The following GMDS variants were observed in gnomAD, a reference collection of about 807,000 sequenced individuals.
GMDS encodes the protein GDP-mannose 4,6-dehydratase.
A neutral mutation model predicts 49.9 loss-of-function variants in GMDS; 20 were observed. The observed-to-expected ratio is 0.40, with a 90% CI of 0.28 to 0.58. GMDS has a LOEUF of 0.58. GMDS is among the 20% of genes least tolerant of loss of function. The probability of loss-of-function intolerance (pLI) is 0.42; values close to 1 mark genes in which losing one functional copy is unlikely to be tolerated. For missense variants in GMDS, 362 were observed against 481.4 expected (o/e 0.75, Z 2.32); for synonymous variants, 177 against 178.6 (o/e 0.99, Z 0.07).
At chr6:1,732,187 C>A (rs181040217) in intron 8 of GMDS, among the ~76,000 whole-genome samples, 1 of 152,148 alleles carries the variant, frequency 6.6e-6, no homozygotes, top group East Asian at 1.9e-4. Context: ...ATGAGCCAGG[C>A]GTGGTGGCGG....
At chr6:2,014,702 A>G (rs1305615811) in intron 4 of GMDS, among the ~76,000 whole-genome samples, 1 of 152,152 alleles carries the variant, frequency 6.6e-6, no homozygotes, top group Non-Finnish European at 1.5e-5. Context: ...TGCAAATATC[A>G]CAGATATTAA....
chr6:1,626,093 C>T (rs1762843153), intron 9 of GMDS: 1 of 152,230 alleles, frequency 6.6e-6, no homozygotes, highest in Non-Finnish European at 1.5e-5. Flanking sequence ...GTGGGACCTG[C>T]TTTGCCCTGG....
At chr6:1,857,212 C>T (rs1017905861) in intron 7 of GMDS, among the ~76,000 whole-genome samples, 4 of 152,158 alleles carry the variant, frequency 2.6e-5, no homozygotes, top group African/African-American at 7.2e-5. Context: ...AACATTCATA[C>T]GACATTCCTT....
intron 4 of GMDS, among the ~76,000 whole-genome samples, chr6:1,973,230 C>A (rs180674330): frequency 5.9e-5 from 9 of 152,238 alleles, no homozygotes; most frequent in Admixed American, 5.9e-4. Context: ...TCCAAAAGTA[C>A]ATAAATACAC....
At position 1,839,058 on chromosome 6, in the gene GMDS, G is replaced by A. The variant is rs188545615; in HGVS notation, c.771+91045C>T. 2.5e-3 allele frequency among the ~76,000 whole-genome samples: 383 copies of A among 152,104 alleles called. 3 individuals carry two copies. The highest frequency in any genetic ancestry group is 3.7e-3 in the Non-Finnish European group (250 of 67,992). ...GCCGACATTTTTCTGCCTTCAATTTGCTGCTCTGGTTTGAAAATCCAATTC... is the reference window on the plus strand; with the variant it reads ...GCCGACATTTTTCTGCCTTCAATTTACTGCTCTGGTTTGAAAATCCAATTC... On this transcript the variant is annotated intron_variant, in intron 7 of 10. Transcript: ENST00000380815.
chr6:1,923,697 G>C (rs1761844047), intron 7 of GMDS, among the ~76,000 whole-genome samples: 1 of 152,226 alleles, frequency 6.6e-6, no homozygotes, highest in African/African-American at 2.4e-5. Context: ...GGAGCACCCT[G>C]TCACAAGTCC....
intron 4 of GMDS, among the ~76,000 whole-genome samples, chr6:2,059,388 A>C (rs1770985636): frequency 6.6e-6 from 1 of 151,886 alleles, no homozygotes; most frequent in Non-Finnish European, 1.5e-5. Context: ...GTTTTAGAAA[A>C]TTATTCACTT....
chr6:1,717,663 T>C (rs1297356456), intron 9 of GMDS: 1 of 152,094 alleles, frequency 6.6e-6, no homozygotes, highest in Non-Finnish European at 1.5e-5. Flanking sequence ...TAAAACAAAA[T>C]AAATATTTAA....
At chr6:2,215,221 A>G (rs989093176) in intron 1 of GMDS, among the ~76,000 whole-genome samples, 2 of 152,156 alleles carry the variant, frequency 1.3e-5, no homozygotes, top group African/African-American at 4.8e-5. Context: ...AAAGAGACAC[A>G]TACAGAGATA....
intron 9 of GMDS, among the ~76,000 whole-genome samples, chr6:1,665,741 G>A (rs1764214755): frequency 6.6e-6 from 1 of 151,570 alleles, no homozygotes. Context: ...GGATGAAGGA[G>A]GATACACGTG....
At chr6:2,206,634 T>A (rs147952668) in intron 1 of GMDS, among the ~76,000 whole-genome samples, 1 of 152,322 alleles carries the variant, frequency 6.6e-6, no homozygotes, top group Admixed American at 6.5e-5. Flanking sequence ...GAAGACCATA[T>A]AGCAGTGGTT....
chr6:1,774,397 T>A (rs939948888), intron 7 of GMDS, among the ~76,000 whole-genome samples: 2 of 152,216 alleles, frequency 1.3e-5, no homozygotes, highest in African/African-American at 4.8e-5. Context: ...ATATGGAGTA[T>A]ATCCCACAAG....
chr6:1,728,957 A>C (rs1766690943), intron 8 of GMDS, among the ~76,000 whole-genome samples: 1 of 151,628 alleles, frequency 6.6e-6, no homozygotes, highest in African/African-American at 2.4e-5. Context: ...AAAAAAAAAA[A>C]CAAAAAACAA....
intron 7 of GMDS, among the ~76,000 whole-genome samples, chr6:1,883,702 A>T (rs1272431631): frequency 6.6e-6 from 1 of 152,202 alleles, no homozygotes; most frequent in Non-Finnish European, 1.5e-5. Flanking sequence ...GTACTGAAAG[A>T]CATTTCCTCC....
At chr6:2,035,475 G>A (rs1769246544) in intron 4 of GMDS, among the ~76,000 whole-genome samples, 1 of 151,938 alleles carries the variant, frequency 6.6e-6, no homozygotes. Context: ...GTCTCAAATG[G>A]CACTTACTTT....
chr6:1,862,513 A>T (rs1311027685), intron 7 of GMDS, among the ~76,000 whole-genome samples: 1 of 152,208 alleles, frequency 6.6e-6, no homozygotes, highest in Non-Finnish European at 1.5e-5. Context: ...GTCTCAGAAA[A>T]AATTCTTTGT....
chr6:1,684,915 T>C (rs1764919661), intron 9 of GMDS, among the ~76,000 whole-genome samples: 1 of 152,166 alleles, frequency 6.6e-6, no homozygotes, highest in South Asian at 2.1e-4. Flanking sequence ...CCATTTAGAA[T>C]TATCAACCTG....
chr6:1,651,149 C>T (rs775942030), intron 9 of GMDS, among the ~76,000 whole-genome samples: 6 of 152,146 alleles, frequency 3.9e-5, no homozygotes, highest in East Asian at 1.9e-4. Context: ...CATGCTGGGC[C>T]GCAGCTCCAC....
chr6:2,115,251 A>G (rs1476594376), intron 4 of GMDS, among the ~76,000 whole-genome samples: 1 of 152,204 alleles, frequency 6.6e-6, no homozygotes, highest in African/African-American at 2.4e-5. Flanking sequence ...CACACTGGCT[A>G]TATCACACTG....
Sources: allele counts gnomAD v4.1 joint callset (sites outside exome capture counted in the v4.1 genomes callset), GRCh38; gene constraint gnomAD v4.1.1; transcripts MANE v1.5; gene names NCBI Gene and HGNC (gene_info 2026-07-23, HGNC 2026-07-21).